GLMN: variants seen among roughly 807,000 people sequenced by gnomAD.
The protein encoded by GLMN is glomulin, FKBP associated protein, also known as glomulin.
Under a neutral mutation model 87.8 loss-of-function variants are expected in GLMN, and 75 were observed. The observed-to-expected ratio is 0.85, with a 90% confidence interval of 0.71 to 1.04. GLMN has a LOEUF of 1.04. Among genes scored for constraint, GLMN ranks in the 50% least tolerant of loss-of-function variants. The pLI, the probability that GLMN is intolerant of heterozygous loss-of-function variation, is 0.00. For synonymous variants in GLMN, 206 were observed against 221.6 expected (o/e 0.93, Z 0.63); for missense variants, 588 against 658.8 (o/e 0.89, Z 1.18).
chr1:92,350,142 G>C, the GLMN span, among the ~76,000 whole-genome samples: 1 of 152,126 alleles, frequency 6.6e-6, no homozygotes, highest in African/African-American at 2.4e-5. Flanking sequence ...TATTGTGATT[G>C]CAACATTTAT....
chr1:92,335,882 A>G, the GLMN span, among the ~76,000 whole-genome samples: 4 of 152,074 alleles, frequency 2.6e-5, no homozygotes, highest in African/African-American at 4.8e-5. Flanking sequence ...AATTTTTTTC[A>G]TAGTAAAACT....
the GLMN span, among the ~76,000 whole-genome samples, chr1:92,368,729 T>C: frequency 7.9e-5 from 12 of 152,348 alleles, no homozygotes; most frequent in African/African-American, 2.9e-4. Flanking sequence ...TGTTGTTTGA[T>C]AGCTCAGTAA....
chr1:92,249,020 A>G (rs982579311), intron 16 of GLMN, among the ~76,000 whole-genome samples: 8 of 152,152 alleles, frequency 5.3e-5, no homozygotes, highest in Admixed American at 5.2e-4. Flanking sequence ...AAACATTAGA[A>G]TTAAAATAAC....
At chr1:92,346,311 A>G in the GLMN span, among the ~76,000 whole-genome samples, 1 of 151,966 alleles carries the variant, frequency 6.6e-6, no homozygotes, top group Non-Finnish European at 1.5e-5. Flanking sequence ...CTATAGTCAC[A>G]CACCACCATG....
intron 2 of GLMN, 80 bp downstream of exon 2, chr1:92,297,881 G>T: frequency 6.3e-6 from 5 of 788,254 alleles, no homozygotes; most frequent in South Asian, 5.9e-5. Context: ...CAATTTGAGT[G>T]ACCACAAATA....
the GLMN span, among the ~76,000 whole-genome samples, chr1:92,344,858 C>T: frequency 6.6e-6 from 1 of 152,146 alleles, no homozygotes; most frequent in Non-Finnish European, 1.5e-5. Context: ...CGGTCCATTT[C>T]AAATTTCCTC....
intron 3 of GLMN, among the ~76,000 whole-genome samples, chr1:92,292,472 G>A (rs368069130): frequency 1.0e-3 from 159 of 151,876 alleles, no homozygotes; most frequent in African/African-American, 3.5e-3. Flanking sequence ...GTGCAGTGGC[G>A]CTGTCCCAGC....
chr1:92,291,418 C>T lies in GLMN; in HGVS notation c.285G>A (p.Lys95=), dbSNP rs773998954. Residue 95 remains lysine, a splice_region_variant and synonymous_variant, in exon 4 of 19, where the codon AAG becomes AAA. Coordinates refer to ENST00000370360, the MANE Select transcript of GLMN (RefSeq NM_053274.3). ...VYFLIFDLLV[K]LCNPKELLLG... Reference sequence around the variant, plus strand: ...AGAGAACCTTGTTTTGTTAACTTACCTTTACCAATAAATCAAAGATCAAAA... The same window carrying T: ...AGAGAACCTTGTTTTGTTAACTTACTTTTACCAATAAATCAAAGATCAAAA... 1.9e-6 allele frequency: 3 copies of T among 1,566,460 alleles called. No individual in the cohort carries two copies. Among genetic ancestry groups the T allele is most frequent in the Non-Finnish European group, 2.6e-6 (3 of 1,136,782 alleles).
the GLMN span, among the ~76,000 whole-genome samples, chr1:92,309,132 A>C: frequency 6.6e-6 from 1 of 151,540 alleles, no homozygotes; most frequent in Admixed American, 6.6e-5. Context: ...TCACTACCTC[A>C]CTAAAAAAGA....
At chr1:92,318,092 T>C in the GLMN span, among the ~76,000 whole-genome samples, 1 of 152,334 alleles carries the variant, frequency 6.6e-6, no homozygotes, top group African/African-American at 2.4e-5. Context: ...CTCTTACTTT[T>C]GTTTTCTTGA....
chr1:92,295,629 C>G (rs1649960297), intron 3 of GLMN, among the ~76,000 whole-genome samples: 1 of 152,120 alleles, frequency 6.6e-6, no homozygotes, highest in South Asian at 2.1e-4. Flanking sequence ...GTATTCTACC[C>G]TAAAACCATA....
At chr1:92,365,639 T>G in the GLMN span, among the ~76,000 whole-genome samples, 1 of 152,158 alleles carries the variant, frequency 6.6e-6, no homozygotes, top group African/African-American at 2.4e-5. Context: ...TCGTTAATAG[T>G]TTGAAAGGTT....
Position 92,288,621 on chromosome 1 carries a change from G to T in GLMN, c.632+293C>A, listed in dbSNP as rs369145292. ...TTTAAATTTTTTTATAGAGATGGGGGTCTCACTATGTTGCCAAGGCTCGTC... is the reference window on the plus strand; with the variant it reads ...TTTAAATTTTTTTATAGAGATGGGGTTCTCACTATGTTGCCAAGGCTCGTC... On this transcript the variant is annotated intron_variant, in intron 6 of 18. Transcript: ENST00000370360. Among the ~76,000 whole-genome samples the T allele has an allele frequency of 3.9e-5, 6 of 151,908 alleles. No homozygotes were observed. The East Asian group carries it at 9.7e-4, about 24-fold the overall frequency.
upstream of GLMN, chr1:92,300,254 T>C (rs377748337): frequency 3.1e-6 from 5 of 1,595,298 alleles, no homozygotes; most frequent in South Asian, 5.5e-5. Flanking sequence ...GACAGCTACA[T>C]GGACAACTAC....
chr1:92,325,419 T>C, the GLMN span, among the ~76,000 whole-genome samples: 1 of 152,126 alleles, frequency 6.6e-6, no homozygotes, highest in Non-Finnish European at 1.5e-5. Context: ...ATCCAAAACT[T>C]ATATTAAGCT....
chr1:92,269,321 C>T (rs1481808739), intron 9 of GLMN, among the ~76,000 whole-genome samples: 1 of 152,014 alleles, frequency 6.6e-6, no homozygotes, highest in Non-Finnish European at 1.5e-5. Flanking sequence ...CAAGACACCT[C>T]CTTCCTTTTG....
chr1:92,252,382 A>T (rs1557506141), intron 16 of GLMN, among the ~76,000 whole-genome samples: 2 of 152,168 alleles, frequency 1.3e-5, no homozygotes, highest in African/African-American at 2.4e-5. Flanking sequence ...CTATAGAGTG[A>T]GACCCCAACT....
rs531470591 is a variant in GLMN, at chr1:92,262,595, G to C, written c.1473+268C>G. Among the ~76,000 whole-genome samples, 19 of 152,300 alleles carry C rather than the reference G, an allele frequency of 1.2e-4. No individual in the cohort carries two copies. The East Asian group carries it at 3.3e-3, about 26-fold the overall frequency. On this transcript the variant is annotated intron_variant, in intron 16 of 18. Transcript: ENST00000370360. ...GAGCTCCACAAGGTTAGTTGACTTAGGACCTGCAACTTATCCACCCAACAG... is the reference window on the plus strand; with the variant it reads ...GAGCTCCACAAGGTTAGTTGACTTACGACCTGCAACTTATCCACCCAACAG...
chr1:92,340,598 T>C, the GLMN span, among the ~76,000 whole-genome samples: 1 of 152,166 alleles, frequency 6.6e-6, no homozygotes, highest in South Asian at 2.1e-4. Context: ...ACCCTAGAGA[T>C]TGAGTTTCAT....
Sources: allele counts gnomAD v4.1 joint callset (sites outside exome capture counted in the v4.1 genomes callset), GRCh38; gene constraint gnomAD v4.1.1; transcripts MANE v1.5; gene names NCBI Gene and HGNC (gene_info 2026-07-23, HGNC 2026-07-21).